Variants in TCEANC observed in about 807,000 individuals in gnomAD.
TCEANC encodes transcription elongation factor A N-terminal and central domain containing.
A neutral mutation model predicts 8.7 loss-of-function variants in TCEANC; 8 were observed. That is an observed-to-expected ratio of 0.92 (90% CI 0.54 to 1.65). The LOEUF is 1.65. Ranked by LOEUF, TCEANC falls within the 40% of genes most tolerant of loss-of-function variation. The pLI is 0.00. For missense variants in TCEANC, 255 were observed against 251.9 expected (o/e 1.01, Z -0.08); for synonymous variants, 78 against 92.9 (o/e 0.84, Z 0.92).
At chrX:13,658,273 A>G (rs759069427) in intron 1 of TCEANC, among the ~76,000 whole-genome samples, 3 of 112,138 alleles carry the variant, frequency 2.7e-5, no homozygotes, top group Non-Finnish European at 5.6e-5. Context: ...AACTGTGAAT[A>G]TACTAAAAGC....
intron 1 of TCEANC, among the ~76,000 whole-genome samples, chrX:13,656,205 A>G (rs1030750331): frequency 5.4e-5 from 6 of 111,985 alleles, no homozygotes; most frequent in African/African-American, 1.9e-4. Context: ...GAAATTCCAC[A>G]TGTGTTGTAA....
Position 13,662,476 on chromosome X carries a change from A to G in TCEANC, c.-8-25A>G, listed in dbSNP as rs756460112. On this transcript the variant is annotated intron_variant, in intron 1 of 1. Transcript: ENST00000380600. Reference sequence around the variant, plus strand: ...GACTAGCAACGGCAAACTTAAGAAAACTGAAACCTCTTTTTTCTTTGCAGC... The same window carrying G: ...GACTAGCAACGGCAAACTTAAGAAAGCTGAAACCTCTTTTTTCTTTGCAGC... 79 of 1,164,571 alleles carry G rather than the reference A, an allele frequency of 6.8e-5. 1 individual carries two copies. The highest frequency in any genetic ancestry group is 9.0e-5 in the Non-Finnish European group (79 of 873,868).
chrX:13,662,245 C>G (rs1053505087), intron 1 of TCEANC, among the ~76,000 whole-genome samples: 4 of 111,845 alleles, frequency 3.6e-5, no homozygotes, highest in Non-Finnish European at 5.6e-5. Flanking sequence ...CTCCGGCAAG[C>G]CTCTTAAGCA....
intron 1 of TCEANC, among the ~76,000 whole-genome samples, chrX:13,660,592 T>C (rs978187677): frequency 1.8e-5 from 2 of 112,628 alleles, no homozygotes; most frequent in African/African-American, 6.4e-5. Context: ...CTCAGCATAA[T>C]GTTTTCAAGG....
chrX:13,662,822 C>T lies in TCEANC; in HGVS notation c.314C>T (p.Pro105Leu), dbSNP rs199942414. The T allele has an allele frequency of 5.8e-4, 702 of 1,209,817 alleles. No individual in the cohort carries two copies. The highest frequency in any genetic ancestry group is 7.5e-4 in the Non-Finnish European group (673 of 894,995). ...GGTAATAAAGAAGAAAATTCAGGAC[C>T]TTCTCATGACCCAAGTCAGAATGAG... Residue 105 changes from proline to leucine, a missense_variant, in exon 2 of 2, where the codon CCT becomes CTT. Physicochemically the swap from Pro to Leu is moderately conservative, Grantham distance 98. Transcript: ENST00000380600.
At chrX:13,659,092 G>A (rs1275173763) in intron 1 of TCEANC, among the ~76,000 whole-genome samples, 1 of 112,229 alleles carries the variant, frequency 8.9e-6, no homozygotes, top group East Asian at 2.8e-4. Flanking sequence ...CTCTATTAGC[G>A]AACATTTCTC....
In TCEANC at chrX:13,662,767, A is replaced by G. The variant is rs746650423; in HGVS notation, c.259A>G (p.Arg87Gly). 6.6e-6 allele frequency: 8 copies of G among 1,211,601 alleles called. No individual in the cohort carries two copies. In the Admixed American group the frequency reaches 1.7e-4, roughly 26 times the overall value. Residue 87 changes from arginine (R) to glycine (G), a missense_variant, in exon 2 of 2, where the codon AGG becomes GGG. Coordinates refer to ENST00000380600, the Ensembl canonical transcript of TCEANC. ...TTATAAGCAGACTCACTCCAAAGCG[A>G]GGAACAGCCCTAAATTATTTCCTGT... is the stretch of plus-strand genomic sequence containing the variant.
chrX:13,658,008 A>C (rs192018590), intron 1 of TCEANC, among the ~76,000 whole-genome samples: 448 of 112,467 alleles, frequency 4.0e-3, no homozygotes, highest in Admixed American at 7.2e-3. Context: ...ACATGGATGA[A>C]CCTTGAAAAC....
exon 2 of TCEANC, chrX:13,662,515 G>A: frequency 8.3e-7 from 1 of 1,205,962 alleles, no homozygotes; most frequent in Non-Finnish European, 1.1e-6. Context: ...AAAGATGTCT[G>A]ACAAGAACCA....
chrX:13,662,873 C>T, exon 2 of TCEANC: 2 of 1,211,696 alleles, frequency 1.7e-6, no homozygotes, highest in Non-Finnish European at 2.2e-6. Context: ...AGCTCGAATT[C>T]TCTGTCTTCC....
chrX:13,663,838 G>A (rs996756308), exon 2 of TCEANC: 7 of 257,147 alleles, frequency 2.7e-5, no homozygotes, highest in Non-Finnish European at 5.0e-5. Flanking sequence ...GAGACTGTGG[G>A]AAATGCATTC....
intron 1 of TCEANC, among the ~76,000 whole-genome samples, chrX:13,657,433 A>G (rs2045931542): frequency 8.9e-6 from 1 of 112,598 alleles, no homozygotes; most frequent in Non-Finnish European, 1.9e-5. Flanking sequence ...AAAAAAAATC[A>G]AGATGCAAAA....
At chrX:13,658,983 CT>C (rs1280367059) in intron 1 of TCEANC, among the ~76,000 whole-genome samples, 1 of 112,352 alleles carries the variant, frequency 8.9e-6, no homozygotes, top group African/African-American at 3.2e-5. Flanking sequence ...TAAAATTCCA[CT>C]TTTAAAGACT....
At chrX:13,663,451 C>A (rs760178712) in exon 2 of TCEANC, 1 of 1,179,416 alleles carries the variant, frequency 8.5e-7, no homozygotes, top group Non-Finnish European at 1.1e-6. Flanking sequence ...CAGAGGAACA[C>A]TTTTCCTTCC....
At position 13,661,019 on chromosome X, in the gene TCEANC, T is replaced by C. The variant is rs1271084545; in HGVS notation, c.-8-1482T>C. On this transcript the variant is annotated intron_variant, in intron 1 of 1. Coordinates refer to ENST00000380600, the Ensembl canonical transcript of TCEANC. Reference sequence around the variant, plus strand: ...GCCACCACACCCGGCTAATTTTTTGTATTTTTAGTAGAGATGGGGTTTCAC... The same window carrying C: ...GCCACCACACCCGGCTAATTTTTTGCATTTTTAGTAGAGATGGGGTTTCAC... Among the ~76,000 whole-genome samples the C allele has an allele frequency of 9.0e-6, 1 of 111,128 alleles. No individual in the cohort carries two copies. The highest frequency in any genetic ancestry group is 9.6e-5 in the Admixed American group (1 of 10,469).
At chrX:13,659,004 A>G (rs933594128) in intron 1 of TCEANC, among the ~76,000 whole-genome samples, 4 of 112,620 alleles carry the variant, frequency 3.6e-5, no homozygotes, top group Non-Finnish European at 5.6e-5. Context: ...TGCATACAGT[A>G]AAAGAGGTCT....
rs774523611 is a variant in TCEANC, at chrX:13,663,442, A to G, written c.934A>G (p.Arg312Gly). The G allele has an allele frequency of 5.9e-6, 7 of 1,179,606 alleles. No homozygotes were observed. The South Asian group carries it at 9.4e-5, about 16-fold the overall frequency. The change falls in exon 2 of 2, where the codon AGA becomes GGA. Residue 312 changes from arginine (R) to glycine (G), a missense_variant. By Grantham distance (125) the Arg-to-Gly change is moderately radical. Transcript: ENST00000380600. The stretch of plus-strand genomic sequence containing the variant: ...CAATTGCAAAGTCACTGTAATTGAC[A>G]GAGGAACACTTTTCCTTCCCAGCTG...
At chrX:13,658,699 T>C (rs143856734) in intron 1 of TCEANC, among the ~76,000 whole-genome samples, 1,811 of 111,843 alleles carry the variant, frequency 0.016, 33 homozygotes, top group African/African-American at 0.056. Flanking sequence ...TAAGTATTCA[T>C]AATTGCCTCA....
chrX:13,662,947 A>T lies in TCEANC; in HGVS notation c.439A>T (p.Lys147Ter), dbSNP rs1311300064. Residue 147 changes from lysine (K) to a stop codon, truncating the protein, a stop_gained, in exon 2 of 2, where the codon AAG becomes TAG. Coordinates refer to ENST00000380600, the Ensembl canonical transcript of TCEANC. LOFTEE classifies it low-confidence loss of function (END_TRUNC). ...AAATAGAGCCATTCAATTGAAACCT[A>T]AGGAAGAGCATTTTGGGGATGGTGA... The T allele has an allele frequency of 3.3e-6, 4 of 1,209,548 alleles. No individual in the cohort carries two copies. Among genetic ancestry groups the T allele is most frequent in the Non-Finnish European group, 4.5e-6 (4 of 895,111 alleles).
Sources: allele counts gnomAD v4.1 joint callset (sites outside exome capture counted in the v4.1 genomes callset), GRCh38; gene constraint gnomAD v4.1.1; transcripts MANE v1.5; gene names NCBI Gene and HGNC (gene_info 2026-07-23, HGNC 2026-07-21).